Variants in ZMAT4 observed in about 807,000 individuals in gnomAD.
The protein encoded by ZMAT4 is zinc finger matrin-type 4.
Under a neutral mutation model 28.7 loss-of-function variants are expected in ZMAT4, and 17 were observed. The observed-to-expected ratio is 0.59, with a 90% confidence interval of 0.41 to 0.89. The LOEUF is 0.89. Among genes scored for constraint, ZMAT4 ranks in the 40% least tolerant of loss-of-function variants. The probability of loss-of-function intolerance (pLI) is 0.00; values close to 1 mark genes in which losing one functional copy is unlikely to be tolerated. For missense variants in ZMAT4, 240 were observed against 283.8 expected (o/e 0.85, Z 1.11); for synonymous variants, 117 against 109.2 (o/e 1.07, Z -0.44).
At chr8:40,671,796 A>C (rs572755502) in intron 5 of ZMAT4, among the ~76,000 whole-genome samples, 1 of 152,218 alleles carries the variant, frequency 6.6e-6, no homozygotes, top group Admixed American at 6.5e-5. Flanking sequence ...ATTTCACTAT[A>C]CATATAATAT....
chr8:40,820,886 T>A lies in ZMAT4; in HGVS notation c.102+4689A>T, dbSNP rs1223051757. ...TTGTGTGTTTATGTGTGCATGTGTA[T>A]GTGTTTATGTGTGTGTTTGTGTGTA... On this transcript the variant is annotated intron_variant, in intron 2 of 6. Coordinates refer to ENST00000297737, the MANE Select transcript of ZMAT4 (RefSeq NM_024645.3). 2.9e-5 allele frequency among the ~76,000 whole-genome samples: 3 copies of A among 104,296 alleles called. No homozygotes were observed. In the East Asian group the frequency reaches 9.1e-4, roughly 32 times the overall value. 68.4% of individuals were successfully genotyped at this position (104,296 alleles called of 152,430 possible).
chr8:40,575,623 C>T (rs1804239014), intron 6 of ZMAT4, among the ~76,000 whole-genome samples: 1 of 135,646 alleles, frequency 7.4e-6, no homozygotes, highest in Admixed American at 7.0e-5. Context: ...AGTCAGTACA[C>T]TCTATTCTAC....
At chr8:40,620,380 C>T (rs1806153031) in intron 5 of ZMAT4, among the ~76,000 whole-genome samples, 1 of 152,190 alleles carries the variant, frequency 6.6e-6, no homozygotes. Flanking sequence ...GGGCTAGTGA[C>T]CTCAGGCCAC....
chr8:40,798,915 T>C (rs1814705009), intron 2 of ZMAT4, among the ~76,000 whole-genome samples: 1 of 151,786 alleles, frequency 6.6e-6, no homozygotes, highest in Admixed American at 6.6e-5. Flanking sequence ...AAGGGGCTTT[T>C]TTCAGGCCAG....
At chr8:40,646,828 G>C (rs1296860125) in intron 5 of ZMAT4, among the ~76,000 whole-genome samples, 1 of 152,116 alleles carries the variant, frequency 6.6e-6, no homozygotes, top group Admixed American at 6.5e-5. Flanking sequence ...TAAAAGGCTT[G>C]AACAACATGA....
chr8:40,680,464 G>A (rs1585868198), intron 4 of ZMAT4, among the ~76,000 whole-genome samples: 2 of 152,262 alleles, frequency 1.3e-5, no homozygotes, highest in Admixed American at 6.5e-5. Flanking sequence ...TTCCAGAGAT[G>A]AGAGCAGGTG....
intron 1 of ZMAT4, among the ~76,000 whole-genome samples, chr8:40,865,323 T>C (rs923537479): frequency 2.0e-5 from 3 of 152,300 alleles, no homozygotes; most frequent in African/African-American, 7.2e-5. Context: ...CTGATATCCC[T>C]CTGAAAATGT....
chr8:40,896,528 C>G (rs963908562), intron 1 of ZMAT4, among the ~76,000 whole-genome samples: 1 of 152,200 alleles, frequency 6.6e-6, no homozygotes, highest in South Asian at 2.1e-4. Context: ...AGTTCGAGAC[C>G]AAGCACATCG....
At chr8:40,573,360 G>A (rs1383527049) in intron 6 of ZMAT4, among the ~76,000 whole-genome samples, 1 of 152,188 alleles carries the variant, frequency 6.6e-6, no homozygotes, top group Admixed American at 6.5e-5. Flanking sequence ...CTCTAGGAGT[G>A]AATCCTTCCT....
chr8:40,791,361 G>A lies in ZMAT4; in HGVS notation c.103-23631C>T, dbSNP rs977951945. On this transcript the variant is annotated intron_variant, in intron 2 of 6. Coordinates refer to ENST00000297737, the MANE Select transcript of ZMAT4 (RefSeq NM_024645.3). ...AAAGTACTTAAGCCTGGGAAATCCC[G>A]CTTCCAAAGCAGAGGGTTATAGTTT... is the stretch of plus-strand genomic sequence containing the variant. Among the ~76,000 whole-genome samples the A allele has an allele frequency of 7.9e-5, 12 of 152,290 alleles. No homozygotes were observed. In the South Asian group the frequency reaches 1.0e-3, roughly 13 times the overall value.
chr8:40,889,362 G>A (rs186669189), intron 1 of ZMAT4, among the ~76,000 whole-genome samples: 115 of 152,316 alleles, frequency 7.6e-4, no homozygotes, highest in African/African-American at 2.6e-3. Context: ...TCACATCTTA[G>A]TGAACAGCAT....
chr8:40,803,953 G>A lies in ZMAT4; in HGVS notation c.102+21622C>T, dbSNP rs550253846. 7.2e-5 allele frequency among the ~76,000 whole-genome samples: 11 copies of A among 152,234 alleles called. No individual in the cohort carries two copies. In the South Asian group the frequency reaches 2.3e-3, roughly 32 times the overall value. ...CATGAAGGAAACTTAAATGCAGCTT[G>A]CATTTACTACATTTAAGAAGCTAAT... On this transcript the variant is annotated intron_variant, in intron 2 of 6. Coordinates refer to ENST00000297737, the MANE Select transcript of ZMAT4 (RefSeq NM_024645.3).
chr8:40,534,082 T>C (rs543025612), intron 6 of ZMAT4, among the ~76,000 whole-genome samples: 1 of 148,620 alleles, frequency 6.7e-6, no homozygotes, highest in Non-Finnish European at 1.5e-5. Context: ...GATGAAAGGG[T>C]TTTTTTTTTA....
At chr8:40,732,177 T>C (rs1157131149) in intron 3 of ZMAT4, among the ~76,000 whole-genome samples, 1 of 152,138 alleles carries the variant, frequency 6.6e-6, no homozygotes, top group African/African-American at 2.4e-5. Context: ...ATGTATTTAA[T>C]ACCAATGAAC....
rs535265988 is a variant in ZMAT4, at chr8:40,555,230, A to G, written c.675-22992T>C. 5.9e-5 allele frequency among the ~76,000 whole-genome samples: 9 copies of G among 152,290 alleles called. No homozygotes were observed. The South Asian group carries it at 1.9e-3, about 32-fold the overall frequency. On this transcript the variant is annotated intron_variant, in intron 6 of 6. Coordinates refer to ENST00000297737, the MANE Select transcript of ZMAT4 (RefSeq NM_024645.3). ...TCCTTTCATCCATTGATGGACACTT[A>G]GGTTAATTCCATATATTTGCGATTG...
At chr8:40,833,143 G>T (rs1034439221) in intron 1 of ZMAT4, among the ~76,000 whole-genome samples, 2 of 152,212 alleles carry the variant, frequency 1.3e-5, no homozygotes, top group Non-Finnish European at 2.9e-5. Context: ...CAGAGGATGG[G>T]CTGGAAGCAG....
chr8:40,602,536 A>T (rs1563361548), intron 5 of ZMAT4, among the ~76,000 whole-genome samples: 1 of 151,758 alleles, frequency 6.6e-6, no homozygotes, highest in African/African-American at 2.4e-5. Flanking sequence ...CAATCACTAT[A>T]TTTTTTTTAT....
intron 5 of ZMAT4, among the ~76,000 whole-genome samples, chr8:40,619,463 G>T (rs960490662): frequency 6.6e-6 from 1 of 152,176 alleles, no homozygotes; most frequent in Admixed American, 6.5e-5. Context: ...ATTCACACTG[G>T]AATCAGAGAT....
chr8:40,565,557 T>A (rs1038867729), intron 6 of ZMAT4, among the ~76,000 whole-genome samples: 3 of 151,776 alleles, frequency 2.0e-5, no homozygotes, highest in African/African-American at 7.3e-5. Context: ...TTTGTATTTT[T>A]AGTACAGATG....
Sources: allele counts gnomAD v4.1 joint callset (sites outside exome capture counted in the v4.1 genomes callset), GRCh38; gene constraint gnomAD v4.1.1; transcripts MANE v1.5; gene names NCBI Gene and HGNC (gene_info 2026-07-23, HGNC 2026-07-21).